The following CACNA2D1 variants were observed in gnomAD, a reference collection of about 807,000 sequenced individuals.
The protein encoded by CACNA2D1 is voltage-dependent calcium channel subunit alpha-2/delta-1.
CACNA2D1 carries 53 observed loss-of-function variants against 171.5 expected under a neutral mutation model. That is an observed-to-expected ratio of 0.31 (90% confidence interval 0.25 to 0.39). The LOEUF (loss-of-function observed/expected upper bound fraction) is 0.39, where lower values mean the gene tolerates loss of function less well. Ranked by LOEUF, CACNA2D1 falls within the 10% of genes least tolerant of loss-of-function variation. The pLI, the probability that CACNA2D1 is intolerant of heterozygous loss-of-function variation, is 1.00. For synonymous variants in CACNA2D1, 442 were observed against 443.1 expected, an observed-to-expected ratio of 1.00 and a Z score of 0.03; for missense variants, 903 against 1,299.8, an observed-to-expected ratio of 0.69 and a Z score of 4.69.
intron 3 of CACNA2D1, among the ~76,000 whole-genome samples, chr7:82,334,643 T>C (rs765254822): frequency 1.2e-4 from 19 of 152,160 alleles, no homozygotes; most frequent in Non-Finnish European, 2.5e-4. Flanking sequence ...ATAACTTGTT[T>C]AGCAAAGCAT....
chr7:82,278,557 TAAAAAA>T (rs59630150), intron 3 of CACNA2D1, among the ~76,000 whole-genome samples: 1 of 107,782 alleles, frequency 9.3e-6, no homozygotes, highest in Non-Finnish European at 1.9e-5. Context: ...GACTCTGTCT[TAAAAAA>T]AAAAAAAAAA....
At chr7:81,955,980 A>ATATATATATTTTT (rs58075516) in intron 38 of CACNA2D1, among the ~76,000 whole-genome samples, 1 of 34,546 alleles carries the variant, frequency 2.9e-5, no homozygotes. Flanking sequence ...ATATATATAT[A>ATATATATATTTTT]TTTTTTTTTT....
chr7:82,111,444 A>ATATATATATATAT (rs1207440298), intron 6 of CACNA2D1, among the ~76,000 whole-genome samples: 1 of 69,968 alleles, frequency 1.4e-5, no homozygotes, highest in Admixed American at 1.6e-4. Context: ...ATATATATAT[A>ATATATATATATAT]TTTTTTTTTT....
At chr7:82,087,987 CCCTT>C in intron 6 of CACNA2D1, among the ~76,000 whole-genome samples, 1 of 152,174 alleles carries the variant, frequency 6.6e-6, no homozygotes, top group Non-Finnish European at 1.5e-5. Flanking sequence ...TCTCTCTCTT[CCCTT>C]GTCTCTATCT....
intron 3 of CACNA2D1, among the ~76,000 whole-genome samples, chr7:82,308,430 C>T (rs1333304662): frequency 6.6e-6 from 1 of 152,184 alleles, no homozygotes; most frequent in African/African-American, 2.4e-5. Flanking sequence ...CCTCATAGAG[C>T]CCCAACAGTC....
chr7:82,144,318 T>C (rs766543625), intron 4 of CACNA2D1, among the ~76,000 whole-genome samples: 14 of 152,104 alleles, frequency 9.2e-5, no homozygotes, highest in African/African-American at 3.4e-4. Context: ...GCTTAAAGTT[T>C]AATTTTTATT....
intron 6 of CACNA2D1, among the ~76,000 whole-genome samples, chr7:82,106,098 T>C (rs1212991508): frequency 1.3e-5 from 2 of 152,208 alleles, no homozygotes; most frequent in Non-Finnish European, 2.9e-5. Context: ...TAAAGTCTGA[T>C]CTTCGAATTT....
chr7:82,139,341 T>A (rs1792081642), intron 4 of CACNA2D1, among the ~76,000 whole-genome samples: 1 of 152,172 alleles, frequency 6.6e-6, no homozygotes, highest in Admixed American at 6.5e-5. Context: ...AGTGCCAGTA[T>A]TGATATAAAC....
intron 10 of CACNA2D1, among the ~76,000 whole-genome samples, chr7:82,048,002 G>C (rs1388339387): frequency 2.6e-5 from 4 of 152,132 alleles, no homozygotes; most frequent in African/African-American, 9.7e-5. Context: ...CCAGATTCAT[G>C]TAATGGTAAG....
At chr7:82,047,923 T>G (rs1198186462) in intron 10 of CACNA2D1, among the ~76,000 whole-genome samples, 1 of 152,104 alleles carries the variant, frequency 6.6e-6, no homozygotes, top group Non-Finnish European at 1.5e-5. Flanking sequence ...TCACGCAGTA[T>G]TTGAGCAAAG....
chr7:82,152,236 T>A (rs550180730), intron 4 of CACNA2D1, among the ~76,000 whole-genome samples: 3 of 151,746 alleles, frequency 2.0e-5, no homozygotes, highest in African/African-American at 7.3e-5. Flanking sequence ...AATTCGCCTA[T>A]TGTCTAGAAA....
At chr7:82,306,244 G>A (rs1813713401) in intron 3 of CACNA2D1, among the ~76,000 whole-genome samples, 1 of 152,054 alleles carries the variant, frequency 6.6e-6, no homozygotes, top group Non-Finnish European at 1.5e-5. Flanking sequence ...CATGATTTTG[G>A]GGTCATGTCT....
At chr7:82,118,648 A>C (rs1414303342) in intron 5 of CACNA2D1, among the ~76,000 whole-genome samples, 1 of 152,122 alleles carries the variant, frequency 6.6e-6, no homozygotes, top group African/African-American at 2.4e-5. Context: ...CATAAAAATT[A>C]CTTCTGTTTC....
At chr7:82,400,430 T>G (rs1303696773) in intron 1 of CACNA2D1, among the ~76,000 whole-genome samples, 4 of 152,076 alleles carry the variant, frequency 2.6e-5, no homozygotes, top group African/African-American at 9.7e-5. Context: ...CCCTTGTAAG[T>G]TGGATTAAAA....
rs796420465 is a variant in CACNA2D1, at chr7:82,149,796, A to C, written c.355-13120T>G. 1.7e-3 allele frequency among the ~76,000 whole-genome samples: 229 copies of C among 136,812 alleles called. 4 individuals carry two copies. Among genetic ancestry groups the C allele is most frequent in the African/African-American group, 5.6e-3 (216 of 38,414 alleles). The allele number at this position is 136,812 out of a possible 152,430, so 89.8% of individuals were successfully genotyped here. On this transcript the variant is annotated intron_variant, in intron 4 of 38. Coordinates refer to ENST00000356860, the MANE Select transcript of CACNA2D1 (RefSeq NM_000722.4). Reference sequence around the variant, plus strand: ...ACAAAAAAAAAACAAACAAACAACAAAAAAAAAAACATTAGCTGGGTGTGG... The same window carrying C: ...ACAAAAAAAAAACAAACAAACAACACAAAAAAAAACATTAGCTGGGTGTGG...
chr7:82,228,615 T>TA (rs1387352084), intron 3 of CACNA2D1, among the ~76,000 whole-genome samples: 2 of 152,178 alleles, frequency 1.3e-5, no homozygotes, highest in African/African-American at 2.4e-5. Flanking sequence ...ATTTAATTGC[T>TA]ATGAGCTTTA....
intron 3 of CACNA2D1, among the ~76,000 whole-genome samples, chr7:82,250,903 T>C (rs1453482284): frequency 6.6e-6 from 1 of 152,154 alleles, no homozygotes; most frequent in Admixed American, 6.6e-5. Flanking sequence ...CACAAGAATA[T>C]CTCAGGACTT....
chr7:82,124,539 C>A (rs769601730), intron 5 of CACNA2D1, among the ~76,000 whole-genome samples: 43 of 152,138 alleles, frequency 2.8e-4, no homozygotes, highest in Non-Finnish European at 5.9e-4. Context: ...TCACTTTCTG[C>A]AACCAATCAG....
At chr7:82,423,461 A>G (rs1470278027) in intron 1 of CACNA2D1, among the ~76,000 whole-genome samples, 1 of 152,188 alleles carries the variant, frequency 6.6e-6, no homozygotes, top group Non-Finnish European at 1.5e-5. Flanking sequence ...CAGTATCAAA[A>G]TAGTTGGTTT....
Sources: gnomAD v4.1 joint callset for allele counts (sites outside exome capture counted in the v4.1 genomes callset) on GRCh38, gnomAD v4.1.1 for gene constraint, MANE v1.5 for transcripts, NCBI Gene and HGNC (gene_info 2026-07-23, HGNC 2026-07-21) for gene names.